The following DBH variants were observed in gnomAD, a reference collection of about 807,000 sequenced individuals.
DBH encodes dopamine beta-hydroxylase (dopamine beta-monooxygenase).
A neutral mutation model predicts 64.0 loss-of-function variants in DBH; 49 were observed. The observed-to-expected ratio is 0.77, with a 90% CI of 0.61 to 0.97. The LOEUF (loss-of-function observed/expected upper bound fraction) is 0.97. DBH is among the 50% of genes least tolerant of loss of function. DBH has a pLI of 0.00. For missense variants in DBH, 828 were observed against 826.6 expected (o/e 1.00, Z -0.02); for synonymous variants, 343 against 347.1 (o/e 0.99, Z 0.13).
intron 9 of DBH, chr9:133,655,540 T>C (rs732833): frequency 0.42 from 64,179 of 152,196 alleles, 13,611 homozygotes; most frequent in East Asian, 0.53. Flanking sequence ...GGCAGAACTG[T>C]CCCATGCTCT....
chr9:133,657,486 GGAGAGAGAGAGGAGAGAGAGA>G (rs1353018892), intron 11 of DBH, among the ~76,000 whole-genome samples: 16 of 147,930 alleles, frequency 1.1e-4, no homozygotes, highest in Non-Finnish European at 2.1e-4. Flanking sequence ...GAGGGAGAGA[GGAGAGAGAGAGGAGAGAGAGA>G]GAGAGAGAGA....
chr9:133,639,787 C>G, intron 1 of DBH, 59 bp from the exon 2 acceptor site: 1 of 1,568,402 alleles, frequency 6.4e-7, no homozygotes, highest in Non-Finnish European at 8.7e-7. Flanking sequence ...GCCCTCTTCC[C>G]CTGTGGATTG....
chr9:133,653,864 CTGTCCTGGCAAATGGGCCACCT>C (rs1486444121), intron 9 of DBH, among the ~76,000 whole-genome samples: 1 of 152,248 alleles, frequency 6.6e-6, no homozygotes, highest in Non-Finnish European at 1.5e-5. Flanking sequence ...CAAGCCAGGG[CTGTCCTGGCAAATGGGCCACCT>C]TGCCAGTGGA....
At chr9:133,656,785 C>G (rs150954503) in intron 10 of DBH, 135 bp downstream of exon 10, 13 of 1,175,538 alleles carry the variant, frequency 1.1e-5, no homozygotes, top group Non-Finnish European at 1.6e-5. Flanking sequence ...CATCACTCAC[C>G]CCTCCCCTCA....
intron 8 of DBH, 124 bp downstream of exon 8, chr9:133,652,408 G>A (rs978695029): frequency 8.2e-7 from 1 of 1,212,662 alleles, no homozygotes; most frequent in Non-Finnish European, 1.2e-6. Context: ...GCCATCCAGG[G>A]CAGGGGGAGG....
chr9:133,640,727 G>A (rs1327549018), intron 2 of DBH, among the ~76,000 whole-genome samples: 2 of 152,226 alleles, frequency 1.3e-5, no homozygotes, highest in African/African-American at 2.4e-5. Context: ...GTGACCACAC[G>A]GGAGGCCAGT....
In DBH at chr9:133,652,790, G is replaced by T. The variant is rs129910; in HGVS notation, c.1375-150G>T. On this transcript the variant is annotated intron_variant, in intron 8 of 11. Transcript: ENST00000393056. Reference sequence around the variant, plus strand: ...CACTCAGCCTGTGACCTTCGCACATGAATCTGCTGGGCTCCTTGTAGTGGA... The same window carrying T: ...CACTCAGCCTGTGACCTTCGCACATTAATCTGCTGGGCTCCTTGTAGTGGA... The T allele has an allele frequency of 6.8e-4, 465 of 687,420 alleles. 6 individuals carry two copies. In the African/African-American group the frequency reaches 7.3e-3, roughly 11 times the overall value. The allele number at this position is 687,420 out of a possible 1,614,324, so 42.6% of individuals were successfully genotyped here. A position where few individuals can be genotyped will look rare whatever the true frequency, so the allele number is the denominator to read the frequency against.
chr9:133,636,570 T>A lies in DBH; in HGVS notation c.199T>A (p.Tyr67Asn), dbSNP rs1251028269. The change falls in exon 1 of 12, where the codon TAC becomes AAC. Residue 67 changes from tyrosine to asparagine, a missense_variant. Physicochemically the swap from Tyr to Asn is moderately radical, Grantham distance 143 (BLOSUM62 -2). Coordinates refer to ENST00000393056, the MANE Select transcript of DBH (RefSeq NM_000787.4). ...CCTGGAGCTCTCATGGAATGTCAGC[T>A]ACACCCAGGAGGCCATCCATTTCCA... is the stretch of plus-strand genomic sequence containing the variant. ...GSLELSWNVS[Y>N]TQEAIHFQLL... The A allele has an allele frequency of 6.2e-7, 1 of 1,613,704 alleles. No homozygotes were observed. Among genetic ancestry groups the A allele is most frequent in the Non-Finnish European group, 8.5e-7 (1 of 1,180,012 alleles).
intron 2 of DBH, among the ~76,000 whole-genome samples, chr9:133,641,193 A>G (rs572797326): frequency 8.5e-5 from 13 of 152,368 alleles, no homozygotes; most frequent in African/African-American, 3.1e-4. Context: ...ACGGAATCTA[A>G]GAAAACAGAA....
At chr9:133,656,096 G>C (rs1832313991) in intron 9 of DBH, 1 of 323,100 alleles carries the variant, frequency 3.1e-6, no homozygotes. Context: ...GCAGTCCTTG[G>C]CTCCAGGCTC....
rs1189671385 is a variant in DBH at position 133,658,816 on chromosome 9, G to C, written c.*369G>C. On this transcript the variant is annotated 3_prime_UTR_variant, in exon 12 of 12. Transcript: ENST00000393056. Reference sequence around the variant, plus strand: ...CTGGGACAGGCACCATGCTGGGCCGGGGTGTGGAATCACCGGGAACGCCCC... The same window carrying C: ...CTGGGACAGGCACCATGCTGGGCCGCGGTGTGGAATCACCGGGAACGCCCC... The C allele has an allele frequency of 1.2e-5, 2 of 167,352 alleles. No homozygotes were observed. Among genetic ancestry groups the C allele is most frequent in the Admixed American group, 6.4e-5 (1 of 15,686 alleles). 10.4% of individuals were successfully genotyped at this position (167,352 alleles called of 1,614,324 possible). A position where few individuals can be genotyped will look rare whatever the true frequency, so the allele number is the denominator to read the frequency against.
At position 133,656,400 on chromosome 9, in the gene DBH, T is replaced by C. The variant is rs900861203; in HGVS notation, c.1435-123T>C. 6.5e-6 allele frequency: 9 copies of C among 1,381,354 alleles called. No individual in the cohort carries two copies. The African/African-American group carries it at 1.1e-4, about 17-fold the overall frequency. 85.6% of individuals were successfully genotyped at this position (1,381,354 alleles called of 1,614,324 possible). A position where few individuals can be genotyped will look rare whatever the true frequency, so the allele number is the denominator to read the frequency against. ...GGCAGGGACTCGGTTCCCCAGAGCATGCCTGGCACGGTGCAGTGAACAGAC... is the reference window on the plus strand; with the variant it reads ...GGCAGGGACTCGGTTCCCCAGAGCACGCCTGGCACGGTGCAGTGAACAGAC... On this transcript the variant is annotated intron_variant, in intron 9 of 11. Transcript: ENST00000393056.
chr9:133,638,967 C>G (rs1268809178), intron 1 of DBH, among the ~76,000 whole-genome samples: 11 of 152,072 alleles, frequency 7.2e-5, no homozygotes, highest in Admixed American at 7.2e-4. Context: ...GGGCAGAGGT[C>G]ACTGATCCAG....
chr9:133,656,525 G>T lies in DBH; in HGVS notation c.1437G>T (p.Gly479=). Residue 479 remains glycine (G), a splice_region_variant and synonymous_variant, in exon 10 of 12, where the codon GGG becomes GGT. Transcript: ENST00000393056. The part of the protein sequence containing the change: ...NTEDRELATV[G]GFGILEEMCV... ...GACGGGTCTCCTCCAACTTGCAGGG[G>T]GGCTTCGGGATCCTGGAGGAGATGT... 4 of 1,613,868 alleles carry T rather than the reference G, an allele frequency of 2.5e-6. No individual in the cohort carries two copies. The South Asian group carries it at 3.3e-5, about 13-fold the overall frequency.
intron 3 of DBH, 51 bp downstream of exon 3, chr9:133,642,515 G>C (rs1237081348): frequency 6.4e-7 from 1 of 1,555,574 alleles, no homozygotes; most frequent in African/African-American, 1.4e-5. Flanking sequence ...CCTTCCTCCC[G>C]GGCCTGGGTT....
rs749898125 is a variant in DBH, at chr9:133,658,700, C to T, written c.*253C>T. ...GACCACGACCTCGTCCATTTAAACC[C>T]GGCTGACTCAGTGCAGGGACAGCCT... On this transcript the variant is annotated 3_prime_UTR_variant, in exon 12 of 12. Coordinates refer to ENST00000393056, the MANE Select transcript of DBH (RefSeq NM_000787.4). The T allele has an allele frequency of 5.4e-5, 21 of 387,178 alleles. No individual in the cohort carries two copies. The highest frequency in any genetic ancestry group is 1.8e-4 in the Admixed American group (4 of 22,442). The allele number at this position is 387,178 out of a possible 1,614,324, so 24.0% of individuals were successfully genotyped here.
rs189524010 is a variant in DBH at position 133,658,523 on chromosome 9, C to G, written c.*76C>G. 17 of 1,458,220 alleles carry G rather than the reference C, an allele frequency of 1.2e-5. No homozygotes were observed. The highest frequency in any genetic ancestry group is 1.5e-5 in the Non-Finnish European group (16 of 1,091,562). The allele number at this position is 1,458,220 out of a possible 1,614,324, so 90.3% of individuals were successfully genotyped here. A position where few individuals can be genotyped will look rare whatever the true frequency, so the allele number is the denominator to read the frequency against. On this transcript the variant is annotated 3_prime_UTR_variant, in exon 12 of 12. Coordinates refer to ENST00000393056, the MANE Select transcript of DBH (RefSeq NM_000787.4). ...CGGCACTGTGCACTCTACTCTGCGA[C>G]GATCCCCATGGAACAGCCCTGCACG... is the stretch of plus-strand genomic sequence containing the variant.
rs1832368793 is a variant in DBH at position 133,658,648 on chromosome 9, CCCTGTTGA to C, written c.*205_*212del. The C allele has an allele frequency of 3.4e-6, 2 of 585,272 alleles. No homozygotes were observed. The highest frequency in any genetic ancestry group is 5.8e-6 in the Non-Finnish European group (2 of 346,206). 36.3% of individuals were successfully genotyped at this position (585,272 alleles called of 1,614,324 possible). On this transcript the variant is annotated 3_prime_UTR_variant, in exon 12 of 12. Coordinates refer to ENST00000393056, the MANE Select transcript of DBH (RefSeq NM_000787.4). ...CTGCATGGCTGAGAGGGTGTGGGTG[CCCTGTTGA>C]CCTACCCTGGACCGAGTGGACCACG...
intron 5 of DBH, among the ~76,000 whole-genome samples, chr9:133,646,805 G>A (rs2519144): frequency 0.47 from 71,711 of 152,018 alleles, 17,778 homozygotes; most frequent in East Asian, 0.89. Context: ...ATTACAAGGC[G>A]TGAGCCACCG....
Sources: allele counts gnomAD v4.1 joint callset (sites outside exome capture counted in the v4.1 genomes callset), GRCh38; gene constraint gnomAD v4.1.1; transcripts MANE v1.5; gene names NCBI Gene and HGNC (gene_info 2026-07-23, HGNC 2026-07-21).